ST3GAL4: variants seen among roughly 807,000 people sequenced by gnomAD.
The protein encoded by ST3GAL4 is ST3 beta-galactoside alpha-2,3-sialyltransferase 4.
ST3GAL4 carries 24 observed loss-of-function variants against 42.6 expected under a neutral mutation model. That is an observed-to-expected ratio of 0.56 (90% CI 0.41 to 0.79). The LOEUF (loss-of-function observed/expected upper bound fraction) is 0.79. ST3GAL4 is among the 30% of genes least tolerant of loss of function. ST3GAL4 has a pLI of 0.00. For synonymous variants in ST3GAL4, 135 were observed against 163.2 expected (o/e 0.83, Z 1.32); for missense variants, 311 against 430.8 (o/e 0.72, Z 2.46).
In ST3GAL4 at chr11:126,382,570, C is replaced by T. The variant is rs184154244; in HGVS notation, c.-60-23526C>T. Among the ~76,000 whole-genome samples the T allele has an allele frequency of 6.8e-3, 1,029 of 152,102 alleles. 14 individuals are homozygous for T. The highest frequency in any genetic ancestry group is 0.021 in the African/African-American group (878 of 41,486). ...AGGAGGAGGAGGCGCTGGCCAGGAC[C>T]TTAGATTACGCAGGGCTTGGTGTTG... On this transcript the variant is annotated intron_variant, in intron 1 of 10. Transcript: ENST00000444328.
rs186767937 is a variant in ST3GAL4 at position 126,399,218 on chromosome 11, C to T, written c.-60-6878C>T. 5.3e-4 allele frequency among the ~76,000 whole-genome samples: 80 copies of T among 151,762 alleles called. 2 individuals carry two copies. The East Asian group carries it at 0.014, about 27-fold the overall frequency. On this transcript the variant is annotated intron_variant, in intron 1 of 10. Transcript: ENST00000444328. ...CCTCTCCTGAAAGTTCTTTCATTCT[C>T]TACTACAGGGCCGGTCTCAGAATCC... is the stretch of plus-strand genomic sequence containing the variant.
At position 126,393,146 on chromosome 11, in the gene ST3GAL4, A is replaced by C. The variant is rs1257570279; in HGVS notation, c.-60-12950A>C. ...TTTATAGAGACGGGGCAGAGTCTGC[A>C]GTCACATGCCTTGCAAGTAGCAGAG... On this transcript the variant is annotated intron_variant, in intron 1 of 10. Transcript: ENST00000444328. This position sits in a 1 kb window ranked among gnomAD's most constrained non-coding sequence, Gnocchi z 5.9. 3 of 152,114 alleles carry C rather than the reference A, an allele frequency of 2.0e-5. No homozygotes were observed. The highest frequency in any genetic ancestry group is 3.4e-3 in the Middle Eastern group (1 of 296). 9.4% of individuals were successfully genotyped at this position (152,114 alleles called of 1,614,324 possible).
rs564092241 is a variant in ST3GAL4 at position 126,378,109 on chromosome 11, T to A, written c.-61+22267T>A. On this transcript the variant is annotated intron_variant, in intron 1 of 10. Coordinates refer to ENST00000444328, the MANE Select transcript of ST3GAL4 (RefSeq NM_001254757.2). The surrounding 1 kb of genome is among the most constrained non-coding windows in gnomAD (Gnocchi z 5.3). ...AAGGATTTGTATGGCAATTGAAGAG[T>A]CATATCTAGTCATTTTAGGTAGAAG... Among the ~76,000 whole-genome samples, 1 of 152,206 alleles carries A rather than the reference T, an allele frequency of 6.6e-6. No individual in the cohort carries two copies. The highest frequency in any genetic ancestry group is 2.4e-5 in the African/African-American group (1 of 41,522).
At position 126,366,619 on chromosome 11, in the gene ST3GAL4, C is replaced by T. The variant is rs185525518; in HGVS notation, c.-61+10777C>T. Among the ~76,000 whole-genome samples the T allele has an allele frequency of 3.9e-5, 6 of 152,278 alleles. No homozygotes were observed. Among genetic ancestry groups the T allele is most frequent in the South Asian group, 2.1e-4 (1 of 4,830 alleles). On this transcript the variant is annotated intron_variant, in intron 1 of 10. Coordinates refer to ENST00000444328, the MANE Select transcript of ST3GAL4 (RefSeq NM_001254757.2). This position sits in a 1 kb window ranked among gnomAD's most constrained non-coding sequence, Gnocchi z 4.2. ...CCCTCTGGCGAGTCTGCCTCTCACTCGCTCAGCCCCTTTAACCCTGCTGGC... is the reference window on the plus strand; with the variant it reads ...CCCTCTGGCGAGTCTGCCTCTCACTTGCTCAGCCCCTTTAACCCTGCTGGC...
rs1230666137 is a variant in ST3GAL4 at position 126,397,435 on chromosome 11, A to G, written c.-60-8661A>G. Among the ~76,000 whole-genome samples the G allele has an allele frequency of 6.6e-6, 1 of 151,638 alleles. No individual in the cohort carries two copies. Among genetic ancestry groups the G allele is most frequent in the African/African-American group, 2.4e-5 (1 of 40,944 alleles). On this transcript the variant is annotated intron_variant, in intron 1 of 10. Coordinates refer to ENST00000444328, the MANE Select transcript of ST3GAL4 (RefSeq NM_001254757.2). This position sits in a 1 kb window ranked among gnomAD's most constrained non-coding sequence, Gnocchi z 5.0. ...GCAAGACATGAAAACCTTGTATAAT[A>G]TAAAATTTTGTTACCTCTAAGTGCT...
Position 126,406,460 on chromosome 11 carries a change from A to C in ST3GAL4, c.17-13A>C, listed in dbSNP as rs1954235777. ...GTTGCTGCCTCTAGCTCCTCTCTGC[A>C]TGTGTCCTGCAGGCTGGAAGCTCCT... On this transcript the variant is annotated splice_polypyrimidine_tract_variant and intron_variant, in intron 2 of 10. Transcript: ENST00000444328. The surrounding 1 kb of genome is among the most constrained non-coding windows in gnomAD (Gnocchi z 5.4). The C allele has an allele frequency of 1.9e-6, 3 of 1,614,102 alleles. No homozygotes were observed. In the East Asian group the frequency reaches 6.7e-5, roughly 36 times the overall value.
rs1388446636 is a variant in ST3GAL4, at chr11:126,410,706, G to A, written c.771+1295G>A. Among the ~76,000 whole-genome samples the A allele has an allele frequency of 8.5e-5, 13 of 152,160 alleles. No homozygotes were observed. Among genetic ancestry groups the A allele is most frequent in the African/African-American group, 2.7e-4 (11 of 41,428 alleles). ...TTGTGACTGCTCAATGCCAGGCCCC[G>A]AGTCTTCTTGCTTGGCGAGGAAGTT... On this transcript the variant is annotated intron_variant, in intron 9 of 10. Transcript: ENST00000444328. The surrounding 1 kb of genome is among the most constrained non-coding windows in gnomAD (Gnocchi z 5.3).
intron 1 of ST3GAL4, among the ~76,000 whole-genome samples, chr11:126,364,752 C>G (rs943552640): frequency 6.6e-6 from 1 of 151,148 alleles, no homozygotes; most frequent in Admixed American, 6.6e-5. Flanking sequence ...TCCCTGTGCC[C>G]TGCCAGGCTG....
rs12288461 is a variant in ST3GAL4 at position 126,371,358 on chromosome 11, T to G, written c.-61+15516T>G. Among the ~76,000 whole-genome samples the G allele has an allele frequency of 7.3e-3, 1,114 of 151,744 alleles. 13 individuals are homozygous for G. The highest frequency in any genetic ancestry group is 0.023 in the African/African-American group (963 of 41,380). ...TTTTGTATTTTTAGTAGAGACGGGG[T>G]TTCACCATGTTGGCCAGGCTGGTCT... On this transcript the variant is annotated intron_variant, in intron 1 of 10. Transcript: ENST00000444328.
At chr11:126,370,861 A>G (rs897780490) in intron 1 of ST3GAL4, among the ~76,000 whole-genome samples, 3 of 152,130 alleles carry the variant, frequency 2.0e-5, no homozygotes, top group Non-Finnish European at 4.4e-5. Context: ...ATTTTTTAGT[A>G]GAGACCATTT....
chr11:126,389,801 G>C (rs958516498), intron 1 of ST3GAL4, among the ~76,000 whole-genome samples: 2 of 151,964 alleles, frequency 1.3e-5, no homozygotes, highest in Non-Finnish European at 2.9e-5. Flanking sequence ...TATCCAGGCT[G>C]GTCTCAAACT....
Position 126,366,962 on chromosome 11 carries a change from A to T in ST3GAL4, c.-61+11120A>T, listed in dbSNP as rs888888967. ...TTGCCTTTGCTGTCCCTGCTTGGGG[A>T]TTTTGGGGTACTGGGTTTGGATAGA... On this transcript the variant is annotated intron_variant, in intron 1 of 10. Coordinates refer to ENST00000444328, the MANE Select transcript of ST3GAL4 (RefSeq NM_001254757.2). The surrounding 1 kb of genome is among the most constrained non-coding windows in gnomAD (Gnocchi z 4.2). Among the ~76,000 whole-genome samples, 36 of 151,588 alleles carry T rather than the reference A, an allele frequency of 2.4e-4. No homozygotes were observed. Among genetic ancestry groups the T allele is most frequent in the African/African-American group, 8.0e-4 (33 of 41,292 alleles).
Position 126,373,302 on chromosome 11 carries a change from C to A in ST3GAL4, c.-61+17460C>A, listed in dbSNP as rs1490642805. On this transcript the variant is annotated intron_variant, in intron 1 of 10. Transcript: ENST00000444328. This position sits in a 1 kb window ranked among gnomAD's most constrained non-coding sequence, Gnocchi z 5.5. ...CCAATTTTGCCTTTAACTTCAGATC[C>A]TTGGGGTGGGTGCATTGCTTCTCCT... Among the ~76,000 whole-genome samples the A allele has an allele frequency of 6.6e-6, 1 of 152,116 alleles. No homozygotes were observed. Among genetic ancestry groups the A allele is most frequent in the Non-Finnish European group, 1.5e-5 (1 of 68,010 alleles).
At chr11:126,399,425 C>T (rs1466134193) in intron 1 of ST3GAL4, among the ~76,000 whole-genome samples, 1 of 146,658 alleles carries the variant, frequency 6.8e-6, no homozygotes, top group Non-Finnish European at 1.5e-5. Context: ...CTGCCTTAGC[C>T]TCCCTAATAG....
In ST3GAL4 at chr11:126,398,394, G is replaced by A. The variant is rs79212780; in HGVS notation, c.-60-7702G>A. Among the ~76,000 whole-genome samples the A allele has an allele frequency of 9.1e-4, 139 of 152,356 alleles. No homozygotes were observed. The highest frequency in any genetic ancestry group is 3.3e-3 in the African/African-American group (136 of 41,586). On this transcript the variant is annotated intron_variant, in intron 1 of 10. Transcript: ENST00000444328. This position sits in a 1 kb window ranked among gnomAD's most constrained non-coding sequence, Gnocchi z 4.7. ...ATGTCCTGCCTTCCAGACACACTCGGGTAGGGACTTGGGCCCCCAAGGCCT... is the reference window on the plus strand; with the variant it reads ...ATGTCCTGCCTTCCAGACACACTCGAGTAGGGACTTGGGCCCCCAAGGCCT...
intron 1 of ST3GAL4, among the ~76,000 whole-genome samples, chr11:126,356,591 G>A (rs1278156477): frequency 6.6e-6 from 1 of 152,222 alleles, no homozygotes; most frequent in Non-Finnish European, 1.5e-5. Flanking sequence ...ACCTACTGTG[G>A]CTGCTTCCTC....
chr11:126,408,044 A>G (rs1013555963), intron 6 of ST3GAL4, 55 bp from the exon 7 acceptor site: 3 of 1,578,160 alleles, frequency 1.9e-6, no homozygotes, highest in Admixed American at 3.4e-5. Flanking sequence ...GATCCAGGGC[A>G]GCGAGCCTGG....
In ST3GAL4 at chr11:126,384,728, A is replaced by G. The variant is rs1038901435; in HGVS notation, c.-60-21368A>G. 19 of 985,222 alleles carry G rather than the reference A, an allele frequency of 1.9e-5. No individual in the cohort carries two copies. The highest frequency in any genetic ancestry group is 2.0e-5 in the Non-Finnish European group (17 of 829,906). 61.0% of individuals were successfully genotyped at this position (985,222 alleles called of 1,614,324 possible). A position where few individuals can be genotyped will look rare whatever the true frequency, so the allele number is the denominator to read the frequency against. ...CTGCATGCCACCACACCCCAGCAGCATCTCCTGAGGCTGGGCCATGGGTGA... is the reference window on the plus strand; with the variant it reads ...CTGCATGCCACCACACCCCAGCAGCGTCTCCTGAGGCTGGGCCATGGGTGA... On this transcript the variant is annotated intron_variant, in intron 1 of 10. Transcript: ENST00000444328. The surrounding 1 kb of genome is among the most constrained non-coding windows in gnomAD (Gnocchi z 5.5).
chr11:126,380,279 C>G (rs919228268), intron 1 of ST3GAL4, among the ~76,000 whole-genome samples: 10 of 151,070 alleles, frequency 6.6e-5, no homozygotes, highest in Non-Finnish European at 1.2e-4. Context: ...AAAAAAAGAT[C>G]CAGTTTCCAG....
Sources: allele counts gnomAD v4.1 joint callset (sites outside exome capture counted in the v4.1 genomes callset), GRCh38; gene constraint gnomAD v4.1.1; non-coding constraint Gnocchi (gnomAD v3.1); transcripts MANE v1.5; gene names NCBI Gene and HGNC (gene_info 2026-07-23, HGNC 2026-07-21).